Variants in NDST3 observed in about 807,000 individuals in gnomAD.
The protein encoded by NDST3 is N-deacetylase and N-sulfotransferase 3, also known as bifunctional heparan sulfate N-deacetylase/N-sulfotransferase 3.
Under a neutral mutation model 96.1 loss-of-function variants are expected in NDST3, and 58 were observed. The ratio of observed to expected loss-of-function variants is 0.60; its 90% CI spans 0.49 to 0.75. The LOEUF is 0.75. Ranked by LOEUF, NDST3 falls within the 30% of genes least tolerant of loss-of-function variation. The pLI, the probability that NDST3 is intolerant of heterozygous loss-of-function variation, is 0.00. For synonymous variants in NDST3, 333 were observed against 359.7 expected, an observed-to-expected ratio of 0.93 and a Z score of 0.84; for missense variants, 788 against 1,034.2, an observed-to-expected ratio of 0.76 and a Z score of 3.27.
chr4:118,163,757 T>C (rs868446890), intron 6 of NDST3, among the ~76,000 whole-genome samples: 29 of 151,682 alleles, frequency 1.9e-4, no homozygotes, highest in South Asian at 4.2e-4. Context: ...ATAATAATAA[T>C]AAAATAAAAT....
chr4:118,253,538 A>C lies in NDST3; in HGVS notation c.2439A>C (p.Glu813Asp), dbSNP rs968742616. ...AAGGTTTCTGGTGTCAGTTACTGGA[A>C]GAAGGTAAAACAAAATGCCTTGGAA... ...SHKGFWCQLLEEGKTKCLGKS... is the reference protein window; with the variant it reads ...SHKGFWCQLLDEGKTKCLGKS... Residue 813 changes from glutamate (E) to aspartate (D), a missense_variant, in exon 13 of 14, where the codon GAA becomes GAC. Physicochemically the swap from Glu to Asp is conservative, Grantham distance 45. Around this residue, in one of 3 missense-constraint regions of NDST3, gnomAD observed 64 missense variants for 68.5 expected, o/e 0.93. Transcript: ENST00000296499. The C allele has an allele frequency of 1.2e-6, 2 of 1,613,018 alleles. No individual in the cohort carries two copies. Among genetic ancestry groups the C allele is most frequent in the Non-Finnish European group, 1.7e-6 (2 of 1,179,460 alleles).
At chr4:118,135,301 G>A (rs185477029) in intron 4 of NDST3, among the ~76,000 whole-genome samples, 1 of 152,196 alleles carries the variant, frequency 6.6e-6, no homozygotes, top group Admixed American at 6.5e-5. Flanking sequence ...TTCACCACAG[G>A]AGTCTCATGA....
At chr4:118,196,387 C>T (rs1231803932) in intron 6 of NDST3, among the ~76,000 whole-genome samples, 1 of 152,070 alleles carries the variant, frequency 6.6e-6, no homozygotes, top group Non-Finnish European at 1.5e-5. Context: ...AGTCCCTCCT[C>T]CTCTATTTTT....
chr4:118,074,457 G>A (rs1190342507), intron 2 of NDST3, among the ~76,000 whole-genome samples: 1 of 152,174 alleles, frequency 6.6e-6, no homozygotes, highest in Non-Finnish European at 1.5e-5. Context: ...ATTTAGGATA[G>A]TTAACTCCTG....
At chr4:118,140,021 A>C (rs763204435) in intron 5 of NDST3, among the ~76,000 whole-genome samples, 21 of 152,248 alleles carry the variant, frequency 1.4e-4, no homozygotes, top group Admixed American at 2.0e-4. Flanking sequence ...CCTAACCTTG[A>C]TTAGTTCCAG....
chr4:118,062,050 T>C (rs1343196177), intron 2 of NDST3, among the ~76,000 whole-genome samples: 3 of 152,180 alleles, frequency 2.0e-5, no homozygotes, highest in Non-Finnish European at 4.4e-5. Flanking sequence ...AACACAGTGA[T>C]TGGCACAAGT....
intron 2 of NDST3, among the ~76,000 whole-genome samples, chr4:118,065,862 C>T: frequency 6.6e-6 from 1 of 150,474 alleles, no homozygotes; most frequent in East Asian, 2.0e-4. Flanking sequence ...ACCTTTTTCC[C>T]CCCTTCATAC....
intron 6 of NDST3, among the ~76,000 whole-genome samples, chr4:118,172,418 G>A (rs1286117668): frequency 1.3e-5 from 2 of 152,166 alleles, no homozygotes; most frequent in African/African-American, 4.8e-5. Context: ...ATGTCCAACT[G>A]AAGGGAAAAT....
intron 5 of NDST3, among the ~76,000 whole-genome samples, chr4:118,142,347 G>A (rs1002973343): frequency 1.3e-5 from 2 of 151,110 alleles, no homozygotes; most frequent in Admixed American, 6.6e-5. Context: ...GTCTGTCCAA[G>A]GACTAGATTA....
rs558059220 is a variant in NDST3, at chr4:118,141,954, A to G, written c.1411-1602A>G. Among the ~76,000 whole-genome samples, 5 of 152,246 alleles carry G rather than the reference A, an allele frequency of 3.3e-5. No homozygotes were observed. The East Asian group carries it at 9.6e-4, about 29-fold the overall frequency. Reference sequence around the variant, plus strand: ...AACTAAATCTATTCTGTGGGCTAGCATAGAGTTTAGAATAAATATTTGTTA... The same window carrying G: ...AACTAAATCTATTCTGTGGGCTAGCGTAGAGTTTAGAATAAATATTTGTTA... On this transcript the variant is annotated intron_variant, in intron 5 of 13. Transcript: ENST00000296499.
At chr4:118,109,757 A>G (rs912619385) in intron 3 of NDST3, among the ~76,000 whole-genome samples, 3 of 152,210 alleles carry the variant, frequency 2.0e-5, no homozygotes. Context: ...TCCTTTCTAA[A>G]TGAAGAAATT....
intron 12 of NDST3, among the ~76,000 whole-genome samples, chr4:118,253,296 G>A (rs1741874456): frequency 6.6e-6 from 1 of 152,170 alleles, no homozygotes; most frequent in African/African-American, 2.4e-5. Context: ...TATGACAGAT[G>A]AACTCAGAAT....
At chr4:118,153,961 T>A (rs1734572326) in intron 6 of NDST3, among the ~76,000 whole-genome samples, 1 of 152,182 alleles carries the variant, frequency 6.6e-6, no homozygotes, top group Non-Finnish European at 1.5e-5. Context: ...GCAGTAGTTA[T>A]CCTAGATCAC....
chr4:118,045,312 GTC>G (rs1724700733), intron 1 of NDST3, among the ~76,000 whole-genome samples: 1 of 151,988 alleles, frequency 6.6e-6, no homozygotes, highest in Non-Finnish European at 1.5e-5. Flanking sequence ...ACTTGCCATG[GTC>G]TCTTTCTTCT....
At position 118,170,137 on chromosome 4, in the gene NDST3, T is replaced by G. The variant is rs141207987; in HGVS notation, c.1539+26453T>G. Among the ~76,000 whole-genome samples, 25 of 152,246 alleles carry G rather than the reference T, an allele frequency of 1.6e-4. No individual in the cohort carries two copies. In the East Asian group the frequency reaches 4.8e-3, roughly 29 times the overall value. ...AAACACAGAATAAATAAATTATCTC[T>G]CTTTATAGGAGACTGACAACATTCT... On this transcript the variant is annotated intron_variant, in intron 6 of 13. Transcript: ENST00000296499.
chr4:118,187,863 G>A (rs1245273880), intron 6 of NDST3, among the ~76,000 whole-genome samples: 1 of 152,148 alleles, frequency 6.6e-6, no homozygotes, highest in East Asian at 1.9e-4. Context: ...AGATTATGAA[G>A]CCAAGACTCA....
chr4:118,087,854 A>C (rs1417874505), intron 2 of NDST3, among the ~76,000 whole-genome samples: 4 of 152,108 alleles, frequency 2.6e-5, no homozygotes, highest in Admixed American at 2.6e-4. Flanking sequence ...AGTGCATGGG[A>C]GGTTGACCTT....
chr4:118,175,762 A>G (rs1736239822), intron 6 of NDST3, among the ~76,000 whole-genome samples: 1 of 152,156 alleles, frequency 6.6e-6, no homozygotes, highest in Non-Finnish European at 1.5e-5. Flanking sequence ...CTTCTCTCTC[A>G]GCCTGGACCT....
rs1370280299 is a variant in NDST3, at chr4:118,138,257, T to C, written c.1410+18T>C. On this transcript the variant is annotated intron_variant, in intron 5 of 13. Transcript: ENST00000296499. ...ACATCATGGTGAGCTTCCTCCAGTATGCATAGGGTACAACTAATTCTGCAA... is the reference window on the plus strand; with the variant it reads ...ACATCATGGTGAGCTTCCTCCAGTACGCATAGGGTACAACTAATTCTGCAA... The C allele has an allele frequency of 2.5e-6, 4 of 1,602,110 alleles. No individual in the cohort carries two copies. The African/African-American group carries it at 5.4e-5, about 22-fold the overall frequency.
Sources: gnomAD v4.1 joint callset for allele counts (sites outside exome capture counted in the v4.1 genomes callset) on GRCh38, gnomAD v4.1.1 for gene constraint, gnomAD v4.1.1 regional missense constraint, MANE v1.5 for transcripts, NCBI Gene and HGNC (gene_info 2026-07-23, HGNC 2026-07-21) for gene names.